UBE2E2: variants seen among roughly 807,000 people sequenced by gnomAD.
UBE2E2 encodes the protein ubiquitin-conjugating enzyme E2 E2.
A neutral mutation model predicts 24.7 loss-of-function variants in UBE2E2; 6 were observed. That is an observed-to-expected ratio of 0.24 (90% CI 0.13 to 0.48). The LOEUF (loss-of-function observed/expected upper bound fraction) is 0.48, where lower values mean the gene tolerates loss of function less well. UBE2E2 is among the 20% of genes least tolerant of loss of function. The pLI is 0.99. For missense variants in UBE2E2, 169 were observed against 245.0 expected (o/e 0.69, Z 2.07); for synonymous variants, 104 against 83.6 (o/e 1.24, Z -1.33).
chr3:23,465,997 G>A (rs1311556691), intron 3 of UBE2E2, among the ~76,000 whole-genome samples: 1 of 152,104 alleles, frequency 6.6e-6, no homozygotes, highest in Non-Finnish European at 1.5e-5. Flanking sequence ...CACGGTTATT[G>A]AGGAATGCTT....
intron 3 of UBE2E2, among the ~76,000 whole-genome samples, chr3:23,351,261 G>T (rs562585936): frequency 9.9e-5 from 15 of 152,140 alleles, no homozygotes; most frequent in African/African-American, 3.6e-4. Flanking sequence ...AGGAACAACC[G>T]GTACCAGCCA....
chr3:23,231,869 A>G (rs1170071652), intron 3 of UBE2E2, among the ~76,000 whole-genome samples: 1 of 152,214 alleles, frequency 6.6e-6, no homozygotes, highest in African/African-American at 2.4e-5. Context: ...ATATAGGTTG[A>G]GGTCTGGAAG....
chr3:23,539,582 G>A (rs948513821), intron 5 of UBE2E2, among the ~76,000 whole-genome samples: 1 of 151,996 alleles, frequency 6.6e-6, no homozygotes, highest in South Asian at 2.1e-4. Flanking sequence ...TACTTCTAAC[G>A]CAGGGAGTAT....
rs754185041 is a variant in UBE2E2, at chr3:23,208,870, T to A, written c.171T>A (p.Ala57=). 2 of 1,610,762 alleles carry A rather than the reference T, an allele frequency of 1.2e-6. No individual in the cohort carries two copies. Among genetic ancestry groups the A allele is most frequent in the East Asian group, 2.2e-5 (1 of 44,746 alleles). The change falls in exon 2 of 6, where the codon GCT becomes GCA. Residue 57 remains alanine (A), a synonymous_variant. Coordinates refer to ENST00000396703, the MANE Select transcript of UBE2E2 (RefSeq NM_152653.4). ...CCGCTGCTAAATTGTCAACTAGTGC[T>A]AAAAGGTACTTCAGTTATTATAACC... ...SKTAAKLSTS[A]KRIQKELAEI...
At chr3:23,228,914 T>A (rs944049835) in intron 3 of UBE2E2, among the ~76,000 whole-genome samples, 1 of 152,158 alleles carries the variant, frequency 6.6e-6, no homozygotes, top group African/African-American at 2.4e-5. Flanking sequence ...TAGTAATAAT[T>A]TGAAATGACC....
intron 3 of UBE2E2, among the ~76,000 whole-genome samples, chr3:23,295,164 T>C (rs1698876811): frequency 6.6e-6 from 1 of 152,220 alleles, no homozygotes; most frequent in East Asian, 1.9e-4. Context: ...GATTGCTTTT[T>C]AAAAGGTTGG....
intron 3 of UBE2E2, among the ~76,000 whole-genome samples, chr3:23,358,555 CTTTTA>C (rs931538253): frequency 1.3e-5 from 2 of 151,876 alleles, no homozygotes; most frequent in Admixed American, 6.6e-5. Context: ...ATAGTTGAGA[CTTTTA>C]TTTTAGGATT....
intron 3 of UBE2E2, among the ~76,000 whole-genome samples, chr3:23,432,249 C>A (rs1366357143): frequency 6.6e-6 from 1 of 152,062 alleles, no homozygotes; most frequent in Non-Finnish European, 1.5e-5. Context: ...ATAAATATTT[C>A]CTTCTTAATT....
At chr3:23,491,131 G>A (rs1699485895) in intron 3 of UBE2E2, among the ~76,000 whole-genome samples, 1 of 152,124 alleles carries the variant, frequency 6.6e-6, no homozygotes, top group African/African-American at 2.4e-5. Context: ...AACTTCCTAA[G>A]ATGTTTTGGT....
chr3:23,345,690 T>C (rs1008402429), intron 3 of UBE2E2, among the ~76,000 whole-genome samples: 8 of 152,210 alleles, frequency 5.3e-5, no homozygotes, highest in South Asian at 2.1e-4. Flanking sequence ...AATAAAATTA[T>C]AGAAGCACTA....
intron 3 of UBE2E2, among the ~76,000 whole-genome samples, chr3:23,354,593 G>C: frequency 6.6e-6 from 1 of 152,166 alleles, no homozygotes; most frequent in Non-Finnish European, 1.5e-5. Flanking sequence ...CTTCTCAAAA[G>C]AAGACATTTA....
chr3:23,368,259 G>A (rs539164671), intron 3 of UBE2E2, among the ~76,000 whole-genome samples: 1 of 152,128 alleles, frequency 6.6e-6, no homozygotes, highest in East Asian at 1.9e-4. Context: ...GATGATGATG[G>A]CTCCTCCAAT....
intron 3 of UBE2E2, among the ~76,000 whole-genome samples, chr3:23,332,065 T>C (rs559149933): frequency 6.6e-6 from 1 of 152,338 alleles, no homozygotes; most frequent in Admixed American, 6.5e-5. Flanking sequence ...TTTTAAAGTA[T>C]GTAAAGGAAT....
In UBE2E2 at chr3:23,407,441, A is replaced by G. The variant is rs1255769408; in HGVS notation, c.228-92167A>G. Among the ~76,000 whole-genome samples the G allele has an allele frequency of 6.6e-6, 1 of 152,160 alleles. No homozygotes were observed. The highest frequency in any genetic ancestry group is 1.5e-5 in the Non-Finnish European group (1 of 68,030). On this transcript the variant is annotated intron_variant, in intron 3 of 5. Transcript: ENST00000396703. This position sits in a 1 kb window ranked among gnomAD's most constrained non-coding sequence, Gnocchi z 4.0. ...TTAATTGGAGGGTTTTTTCTGAAAT[A>G]TTTTAAACTTTTAATTCTGAAAATG...
rs560501237 is a variant in UBE2E2 at position 23,458,708 on chromosome 3, C to T, written c.228-40900C>T. On this transcript the variant is annotated intron_variant, in intron 3 of 5. Coordinates refer to ENST00000396703, the MANE Select transcript of UBE2E2 (RefSeq NM_152653.4). Reference sequence around the variant, plus strand: ...CTAGGATTACAGGTGTGAGCCACCGCGCCTGGCCAGAGATCACTGTTCACA... The same window carrying T: ...CTAGGATTACAGGTGTGAGCCACCGTGCCTGGCCAGAGATCACTGTTCACA... Among the ~76,000 whole-genome samples, 16 of 152,118 alleles carry T rather than the reference C, an allele frequency of 1.1e-4. No individual in the cohort carries two copies. In the South Asian group the frequency reaches 2.1e-3, roughly 20 times the overall value.
chr3:23,395,771 C>A (rs910169756), intron 3 of UBE2E2, among the ~76,000 whole-genome samples: 1 of 152,134 alleles, frequency 6.6e-6, no homozygotes, highest in Admixed American at 6.6e-5. Flanking sequence ...GGTATAAGTG[C>A]TCTCTGTTCT....
At chr3:23,379,904 G>T (rs1302059463) in intron 3 of UBE2E2, among the ~76,000 whole-genome samples, 2 of 152,090 alleles carry the variant, frequency 1.3e-5, no homozygotes, top group Middle Eastern at 3.2e-3. Flanking sequence ...TGGGAGCTTA[G>T]TGAATGAAGG....
At position 23,497,596 on chromosome 3, in the gene UBE2E2, A is replaced by G. The variant is rs147276426; in HGVS notation, c.228-2012A>G. Among the ~76,000 whole-genome samples the G allele has an allele frequency of 3.0e-3, 460 of 152,318 alleles. 1 individual carries two copies. Among genetic ancestry groups the G allele is most frequent in the Non-Finnish European group, 4.6e-3 (315 of 68,018 alleles). On this transcript the variant is annotated intron_variant, in intron 3 of 5. Transcript: ENST00000396703. The stretch of plus-strand genomic sequence containing the variant: ...ATGGCATCATGTATGGTTTGTGGGT[A>G]TAATTTTAACTTTGTAAGAGATCGG...
At chr3:23,370,736 C>T (rs1261866881) in intron 3 of UBE2E2, among the ~76,000 whole-genome samples, 1 of 152,048 alleles carries the variant, frequency 6.6e-6, no homozygotes, top group East Asian at 1.9e-4. Flanking sequence ...GCTAGATCTC[C>T]TGGATTCATT....
Sources: allele counts gnomAD v4.1 joint callset (sites outside exome capture counted in the v4.1 genomes callset), GRCh38; gene constraint gnomAD v4.1.1; non-coding constraint Gnocchi (gnomAD v3.1); transcripts MANE v1.5; gene names NCBI Gene and HGNC (gene_info 2026-07-23, HGNC 2026-07-21).